Variants in DSCAML1 observed in about 807,000 individuals in gnomAD.
DSCAML1 encodes DS cell adhesion molecule like 1, also known as cell adhesion molecule DSCAML1.
A neutral mutation model predicts 200.5 loss-of-function variants in DSCAML1; 38 were observed. That is an observed-to-expected ratio of 0.19 (90% confidence interval 0.15 to 0.25). The LOEUF is 0.25. Among genes scored for constraint, DSCAML1 ranks in the 10% least tolerant of loss-of-function variants. DSCAML1 has a pLI of 1.00. For missense variants in DSCAML1, 2,223 were observed against 2,858.8 expected, an observed-to-expected ratio of 0.78 and a Z score of 5.07; for synonymous variants, 1,215 against 1,165.0, an observed-to-expected ratio of 1.04 and a Z score of -0.87.
chr11:117,503,375 C>T lies in DSCAML1; in HGVS notation c.2359+470G>A, dbSNP rs1315937962. ...GGGGAGTGACTCGCCCAAGGTCACT[C>T]AGCTCATCAGGCTGATCTGGAATTG... On this transcript the variant is annotated intron_variant, in intron 11 of 32. Transcript: ENST00000651296. This position sits in a 1 kb window ranked among gnomAD's most constrained non-coding sequence, Gnocchi z 5.2. Among the ~76,000 whole-genome samples the T allele has an allele frequency of 6.6e-6, 1 of 152,194 alleles. No individual in the cohort carries two copies. The highest frequency in any genetic ancestry group is 1.5e-5 in the Non-Finnish European group (1 of 68,032).
intron 3 of DSCAML1, among the ~76,000 whole-genome samples, chr11:117,564,927 A>G (rs1485419874): frequency 6.6e-6 from 1 of 151,802 alleles, no homozygotes; most frequent in African/African-American, 2.4e-5. Flanking sequence ...CACCATACCC[A>G]GCTAATTTTT....
At position 117,444,716 on chromosome 11, in the gene DSCAML1, G is replaced by A. The variant is rs115468033; in HGVS notation, c.3709-677C>T. Reference sequence around the variant, plus strand: ...GACAAGTTGCCAACAAAACAATATCGGATCCCAGTGGTTTTACCAGTTGCT... The same window carrying A: ...GACAAGTTGCCAACAAAACAATATCAGATCCCAGTGGTTTTACCAGTTGCT... On this transcript the variant is annotated intron_variant, in intron 20 of 32. Transcript: ENST00000651296. Among the ~76,000 whole-genome samples, 878 of 152,044 alleles carry A rather than the reference G, an allele frequency of 5.8e-3. 7 individuals carry two copies. Among genetic ancestry groups the A allele is most frequent in the African/African-American group, 0.02 (827 of 41,442 alleles).
intron 3 of DSCAML1, among the ~76,000 whole-genome samples, chr11:117,656,496 C>CATCT (rs71469141): frequency 0.25 from 36,434 of 147,230 alleles, 4,433 homozygotes; most frequent in East Asian, 0.29. Flanking sequence ...TTACCTAAAT[C>CATCT]ATCTATCTAT....
At chr11:117,635,447 GGTGTGTGTGTGTGTGT>G (rs201976004) in intron 3 of DSCAML1, among the ~76,000 whole-genome samples, 6 of 146,654 alleles carry the variant, frequency 4.1e-5, no homozygotes, top group Non-Finnish European at 9.1e-5. Flanking sequence ...TAGTGTGTGT[GGTGTGTGTGTGTGTGT>G]GTGTGTGTGT....
At chr11:117,632,506 G>A (rs558876587) in intron 3 of DSCAML1, among the ~76,000 whole-genome samples, 8 of 152,050 alleles carry the variant, frequency 5.3e-5, no homozygotes, top group African/African-American at 9.7e-5. Flanking sequence ...CTGGCCCCCC[G>A]CTCATCCTAG....
chr11:117,731,926 T>C (rs2137819425), intron 3 of DSCAML1, among the ~76,000 whole-genome samples: 1 of 152,240 alleles, frequency 6.6e-6, no homozygotes, highest in African/African-American at 2.4e-5. Context: ...TCAGCATGGG[T>C]GTCTCAGCAT....
intron 11 of DSCAML1, among the ~76,000 whole-genome samples, chr11:117,495,774 C>T (rs1423007269): frequency 6.6e-6 from 1 of 152,174 alleles, no homozygotes; most frequent in Non-Finnish European, 1.5e-5. Flanking sequence ...AGCCTGGAGC[C>T]CTAGATTCTC....
intron 3 of DSCAML1, among the ~76,000 whole-genome samples, chr11:117,624,230 A>C (rs7946890): frequency 0.12 from 17,713 of 152,240 alleles, 1,231 homozygotes; most frequent in African/African-American, 0.18. Context: ...ACAGGCGTTC[A>C]CAGAGATCAG....
At chr11:117,783,221 T>G (rs2055293772) in intron 1 of DSCAML1, among the ~76,000 whole-genome samples, 1 of 152,192 alleles carries the variant, frequency 6.6e-6, no homozygotes, top group African/African-American at 2.4e-5. Flanking sequence ...GGGTCCTGGG[T>G]GCCTCCTGAG....
At chr11:117,449,893 C>T (rs530046483) in intron 20 of DSCAML1, among the ~76,000 whole-genome samples, 16 of 152,294 alleles carry the variant, frequency 1.1e-4, no homozygotes, top group African/African-American at 2.9e-4. Flanking sequence ...GCACCCATCC[C>T]CATCCTCCCT....
chr11:117,442,173 AGT>A (rs1565682717), intron 21 of DSCAML1, among the ~76,000 whole-genome samples: 9 of 148,874 alleles, frequency 6.0e-5, no homozygotes, highest in African/African-American at 1.3e-4. Flanking sequence ...ATATGCATGT[AGT>A]GTGTATAGTG....
chr11:117,704,693 C>T (rs1440437432), intron 3 of DSCAML1, among the ~76,000 whole-genome samples: 4 of 152,040 alleles, frequency 2.6e-5, no homozygotes, highest in Non-Finnish European at 5.9e-5. Context: ...TTCGCTCCAG[C>T]CAAAGGGAAA....
chr11:117,596,455 G>GGA (rs67048270), intron 3 of DSCAML1, among the ~76,000 whole-genome samples: 1 of 151,526 alleles, frequency 6.6e-6, no homozygotes, highest in South Asian at 2.1e-4. Context: ...CGGTTGAGGA[G>GGA]GAGAGAGAGA....
At chr11:117,573,140 C>T (rs865998611) in intron 3 of DSCAML1, among the ~76,000 whole-genome samples, 1 of 152,206 alleles carries the variant, frequency 6.6e-6, no homozygotes, top group Admixed American at 6.5e-5. Context: ...TCGAAGCTCA[C>T]ACGTGTCCTG....
chr11:117,797,395 C>G, upstream of DSCAML1: 1 of 691,512 alleles, frequency 1.4e-6, no homozygotes. Context: ...CGGGCCAGAC[C>G]GCCCCGACCC....
At chr11:117,534,010 G>T (rs1277133715) in intron 3 of DSCAML1, among the ~76,000 whole-genome samples, 1 of 152,216 alleles carries the variant, frequency 6.6e-6, no homozygotes, top group Admixed American at 6.5e-5. Flanking sequence ...AGCTGCAGGG[G>T]AGAGGGTCAT....
At chr11:117,442,587 C>T (rs777580029) in intron 21 of DSCAML1, among the ~76,000 whole-genome samples, 4 of 152,016 alleles carry the variant, frequency 2.6e-5, no homozygotes, top group African/African-American at 4.8e-5. Context: ...TGTGAGGTGA[C>T]GCTGTGTGAA....
chr11:117,753,077 G>A (rs555422439), intron 3 of DSCAML1, among the ~76,000 whole-genome samples: 3 of 152,306 alleles, frequency 2.0e-5, no homozygotes, highest in South Asian at 2.1e-4. Context: ...TGCCTAAGCC[G>A]CTTATTAGCT....
chr11:117,573,972 G>A (rs1347572407), intron 3 of DSCAML1, among the ~76,000 whole-genome samples: 1 of 152,216 alleles, frequency 6.6e-6, no homozygotes, highest in Non-Finnish European at 1.5e-5. Context: ...GCTGTTCTCT[G>A]CTTCCCCCTG....
Sources: allele counts gnomAD v4.1 joint callset (sites outside exome capture counted in the v4.1 genomes callset), GRCh38; gene constraint gnomAD v4.1.1; non-coding constraint Gnocchi (gnomAD v3.1); transcripts MANE v1.5; gene names NCBI Gene and HGNC (gene_info 2026-07-23, HGNC 2026-07-21).